EXOC6B: variants seen among roughly 807,000 people sequenced by gnomAD.
EXOC6B encodes the protein exocyst complex component 6B, also known as SEC15 homolog B.
Under a neutral mutation model 113.5 loss-of-function variants are expected in EXOC6B, and 54 were observed. That is an observed-to-expected ratio of 0.48 (90% CI 0.38 to 0.60). The LOEUF is 0.60. Among genes scored for constraint, EXOC6B ranks in the 20% least tolerant of loss-of-function variants. EXOC6B has a pLI of 0.00. For synonymous variants in EXOC6B, 357 were observed against 339.0 expected, an observed-to-expected ratio of 1.05 and a Z score of -0.58; for missense variants, 797 against 977.5, an observed-to-expected ratio of 0.82 and a Z score of 2.46.
chr2:72,806,920 T>C (rs1685613500), intron 1 of EXOC6B, among the ~76,000 whole-genome samples: 1 of 152,236 alleles, frequency 6.6e-6, no homozygotes, highest in East Asian at 1.9e-4. Context: ...GGCTGGATAT[T>C]AGACCTTTGT....
intron 20 of EXOC6B, among the ~76,000 whole-genome samples, chr2:72,325,661 A>G (rs988777298): frequency 1.3e-5 from 2 of 151,918 alleles, no homozygotes; most frequent in East Asian, 3.9e-4. Context: ...TCTCGAGGGA[A>G]GAACCCTCAA....
chr2:72,312,234 G>A (rs768985591), intron 20 of EXOC6B, among the ~76,000 whole-genome samples: 6 of 151,914 alleles, frequency 3.9e-5, no homozygotes, highest in Non-Finnish European at 8.8e-5. Context: ...TTCCATTACT[G>A]GCAGGCAAGG....
intron 20 of EXOC6B, among the ~76,000 whole-genome samples, chr2:72,249,456 C>T (rs1474089026): frequency 6.6e-6 from 1 of 151,398 alleles, no homozygotes; most frequent in African/African-American, 2.4e-5. Context: ...GGGGTTTCAC[C>T]GTGTTAGCCA....
At chr2:72,468,728 G>A (rs530736646) in intron 17 of EXOC6B, among the ~76,000 whole-genome samples, 1 of 152,034 alleles carries the variant, frequency 6.6e-6, no homozygotes, top group South Asian at 2.1e-4. Flanking sequence ...GATCACTTTG[G>A]GTAATATGGA....
chr2:72,807,502 A>G lies in EXOC6B; in HGVS notation c.113+18296T>C, dbSNP rs1685643038. On this transcript the variant is annotated intron_variant, in intron 1 of 21. Coordinates refer to ENST00000272427, the MANE Select transcript of EXOC6B (RefSeq NM_015189.3). Reference sequence around the variant, plus strand: ...CTGCTTAGGTATGCTTTTGCTATTCAGGCTCCTTTTTGGTTCCATATGAGT... The same window carrying G: ...CTGCTTAGGTATGCTTTTGCTATTCGGGCTCCTTTTTGGTTCCATATGAGT... Among the ~76,000 whole-genome samples, 3 of 152,246 alleles carry G rather than the reference A, an allele frequency of 2.0e-5. No individual in the cohort carries two copies. In the South Asian group the frequency reaches 6.2e-4, roughly 32 times the overall value.
intron 6 of EXOC6B, among the ~76,000 whole-genome samples, chr2:72,675,526 C>T (rs1676230688): frequency 6.6e-6 from 1 of 152,162 alleles, no homozygotes; most frequent in Non-Finnish European, 1.5e-5. Flanking sequence ...GGCACCATGG[C>T]ACATGCCTAT....
chr2:72,464,143 G>C (rs373849044), intron 18 of EXOC6B: 7 of 152,088 alleles, frequency 4.6e-5, no homozygotes, highest in Admixed American at 3.3e-4. Flanking sequence ...AGATCACATA[G>C]GAGCTGAAAC....
intron 11 of EXOC6B, 120 bp downstream of exon 11, chr2:72,513,012 C>T: frequency 8.7e-7 from 1 of 1,153,336 alleles, no homozygotes. Flanking sequence ...CTTTGAAGGA[C>T]ATCTATAGCT....
intron 8 of EXOC6B, among the ~76,000 whole-genome samples, chr2:72,552,286 T>C (rs773979540): frequency 6.6e-6 from 1 of 152,310 alleles, no homozygotes; most frequent in South Asian, 2.1e-4. Flanking sequence ...CTATAGACTA[T>C]TGGCTTAATT....
intron 6 of EXOC6B, among the ~76,000 whole-genome samples, chr2:72,605,606 TTTTCTG>T (rs1481707261): frequency 3.9e-5 from 6 of 152,226 alleles, no homozygotes; most frequent in African/African-American, 1.4e-4. Flanking sequence ...CCTTTATTCT[TTTTCTG>T]TTTGTTTGGT....
rs575196764 is a variant in EXOC6B at position 72,453,558 on chromosome 2, A to G, written c.1980+11602T>C. Reference sequence around the variant, plus strand: ...ATAAAACTTTCATTTTATTTCTTTCATTTAACATAAGTGCTTTGCAAAGTT... The same window carrying G: ...ATAAAACTTTCATTTTATTTCTTTCGTTTAACATAAGTGCTTTGCAAAGTT... On this transcript the variant is annotated intron_variant, in intron 18 of 21. Coordinates refer to ENST00000272427, the MANE Select transcript of EXOC6B (RefSeq NM_015189.3). Among the ~76,000 whole-genome samples, 12 of 152,210 alleles carry G rather than the reference A, an allele frequency of 7.9e-5. 1 individual carries two copies. The South Asian group carries it at 2.5e-3, about 32-fold the overall frequency.
chr2:72,627,651 T>C (rs1672141596), intron 6 of EXOC6B, among the ~76,000 whole-genome samples: 2 of 152,236 alleles, frequency 1.3e-5, no homozygotes, highest in Admixed American at 6.5e-5. Context: ...ATGTATTCAC[T>C]TTATGGAGCC....
intron 19 of EXOC6B, among the ~76,000 whole-genome samples, chr2:72,353,451 A>T (rs1395543126): frequency 6.6e-6 from 1 of 150,662 alleles, no homozygotes; most frequent in African/African-American, 2.5e-5. Flanking sequence ...GGCTCACTGC[A>T]ACCTCTGCCT....
chr2:72,738,711 C>T (rs1229103460), intron 2 of EXOC6B, among the ~76,000 whole-genome samples: 1 of 152,140 alleles, frequency 6.6e-6, no homozygotes, highest in Admixed American at 6.5e-5. Flanking sequence ...CATGGTGGTT[C>T]ATGTGTGTAA....
chr2:72,504,758 A>G (rs967217724), intron 11 of EXOC6B, among the ~76,000 whole-genome samples: 5 of 152,154 alleles, frequency 3.3e-5, no homozygotes, highest in African/African-American at 9.7e-5. Context: ...AGTGTATCAG[A>G]GTTTCTATTG....
intron 1 of EXOC6B, among the ~76,000 whole-genome samples, chr2:72,769,973 C>T (rs1005654961): frequency 3.3e-5 from 5 of 152,110 alleles, no homozygotes; most frequent in African/African-American, 9.7e-5. Context: ...GGAAACAAAA[C>T]ATGAGCCAAG....
intron 20 of EXOC6B, among the ~76,000 whole-genome samples, chr2:72,310,842 T>C (rs996320266): frequency 1.4e-5 from 2 of 143,220 alleles, no homozygotes; most frequent in Non-Finnish European, 3.0e-5. Context: ...ACATGTGTTA[T>C]TTCATTTAAC....
At chr2:72,738,034 A>G (rs1396843218) in intron 2 of EXOC6B, among the ~76,000 whole-genome samples, 3 of 152,084 alleles carry the variant, frequency 2.0e-5, no homozygotes. Flanking sequence ...AGATTTTTTT[A>G]AAACAAGTCT....
At chr2:72,717,813 T>C (rs1435272276) in intron 6 of EXOC6B, among the ~76,000 whole-genome samples, 1 of 152,220 alleles carries the variant, frequency 6.6e-6, no homozygotes, top group African/African-American at 2.4e-5. Context: ...CTACAAATTA[T>C]ATGCAAAGTC....
Sources: allele counts gnomAD v4.1 joint callset (sites outside exome capture counted in the v4.1 genomes callset), GRCh38; gene constraint gnomAD v4.1.1; transcripts MANE v1.5; gene names NCBI Gene and HGNC (gene_info 2026-07-23, HGNC 2026-07-21).